Variants in ERFL observed in about 807,000 individuals in gnomAD.
ERFL encodes ETS repressor factor like.
A neutral mutation model predicts 27.9 loss-of-function variants in ERFL; 8 were observed. The ratio of observed to expected loss-of-function variants is 0.29; its 90% CI spans 0.17 to 0.52. The LOEUF (loss-of-function observed/expected upper bound fraction) is 0.52, where lower values mean the gene tolerates loss of function less well. ERFL is among the 20% of genes least tolerant of loss of function. ERFL has a pLI of 0.97. For missense variants in ERFL, 294 were observed against 444.4 expected, an observed-to-expected ratio of 0.66 and a Z score of 3.04; for synonymous variants, 174 against 202.8, an observed-to-expected ratio of 0.86 and a Z score of 1.21.
rs556162739 is a variant in ERFL, at chr19:41,909,246, C to T, written c.498+30G>A. 4.1e-6 allele frequency: 5 copies of T among 1,231,934 alleles called. No individual in the cohort carries two copies. The highest frequency in any genetic ancestry group is 4.2e-5 in the Admixed American group (1 of 23,730). The allele number at this position is 1,231,934 out of a possible 1,614,324, so 76.3% of individuals were successfully genotyped here. On this transcript the variant is annotated intron_variant, in intron 4 of 5. Coordinates refer to ENST00000597630, the MANE Select transcript of ERFL (RefSeq NM_001365103.2). This position sits in a 1 kb window ranked among gnomAD's most constrained non-coding sequence, Gnocchi z 5.2. ...TCCCCAGAGTGGGCACCAAGTGCCT[C>T]GGTTCCAGGACCCCAGTACCCAGAC...
rs2074807029 is a variant in ERFL, at chr19:41,917,265, T to A, written c.-13-4333A>T. Among the ~76,000 whole-genome samples the A allele has an allele frequency of 6.6e-6, 1 of 152,112 alleles. No individual in the cohort carries two copies. Among genetic ancestry groups the A allele is most frequent in the Non-Finnish European group, 1.5e-5 (1 of 68,012 alleles). ...TGTTTCCCCCATCTCTCTCTCTGGG[T>A]GCATCTCTCTGTCTCTCTCTGTCTC... On this transcript the variant is annotated intron_variant, in intron 1 of 5. Coordinates refer to ENST00000597630, the MANE Select transcript of ERFL (RefSeq NM_001365103.2). This position sits in a 1 kb window ranked among gnomAD's most constrained non-coding sequence, Gnocchi z 4.8.
rs1353217859 is a variant in ERFL at position 41,921,207 on chromosome 19, G to A, written c.-14+6833C>T. On this transcript the variant is annotated intron_variant, in intron 1 of 5. Coordinates refer to ENST00000597630, the MANE Select transcript of ERFL (RefSeq NM_001365103.2). The surrounding 1 kb of genome is among the most constrained non-coding windows in gnomAD (Gnocchi z 4.4). ...CTCCCCAACCTCACTCGTGGACCCC[G>A]CCTCCCCTCAGAGACCCAGAGAGAT... Among the ~76,000 whole-genome samples, 1 of 152,052 alleles carries A rather than the reference G, an allele frequency of 6.6e-6. No homozygotes were observed. The highest frequency in any genetic ancestry group is 2.4e-5 in the African/African-American group (1 of 41,396).
In ERFL at chr19:41,909,787, A is replaced by T; in HGVS notation, c.302+76T>A. The stretch of plus-strand genomic sequence containing the variant: ...GTGGGATCCAGCAGGAACCTGCCCC[A>T]GGATGCAGAGGGGGCACCAGAGGGA... On this transcript the variant is annotated intron_variant, in intron 3 of 5. Coordinates refer to ENST00000597630, the MANE Select transcript of ERFL (RefSeq NM_001365103.2). This position sits in a 1 kb window ranked among gnomAD's most constrained non-coding sequence, Gnocchi z 5.2. The T allele has an allele frequency of 7.0e-7, 1 of 1,435,248 alleles. No homozygotes were observed. Among genetic ancestry groups the T allele is most frequent in the Non-Finnish European group, 9.4e-7 (1 of 1,067,868 alleles). The allele number at this position is 1,435,248 out of a possible 1,614,324, so 88.9% of individuals were successfully genotyped here. A position where few individuals can be genotyped will look rare whatever the true frequency, so the allele number is the denominator to read the frequency against.
chr19:41,919,275 A>T lies in ERFL; in HGVS notation c.-13-6343T>A, dbSNP rs566949274. On this transcript the variant is annotated intron_variant, in intron 1 of 5. Transcript: ENST00000597630. The stretch of plus-strand genomic sequence containing the variant: ...ACACAGAAGCACACAGGGTGACACC[A>T]GAAACAGCTTCACACACAGACTTCG... 1.4e-3 allele frequency among the ~76,000 whole-genome samples: 211 copies of T among 152,288 alleles called. 1 individual carries two copies. The highest frequency in any genetic ancestry group is 6.8e-3 in the Middle Eastern group (2 of 294).
intron 1 of ERFL, among the ~76,000 whole-genome samples, chr19:41,920,451 T>C (rs147044175): frequency 7.0e-6 from 1 of 143,648 alleles, no homozygotes; most frequent in Non-Finnish European, 1.5e-5. Context: ...CTCACAGACA[T>C]GACACGCCCA....
intron 1 of ERFL, among the ~76,000 whole-genome samples, chr19:41,919,006 CACAT>C (rs1470323163): frequency 1.3e-5 from 2 of 151,064 alleles, no homozygotes; most frequent in Non-Finnish European, 3.0e-5. Flanking sequence ...CCACACACAT[CACAT>C]ACACACCATG....
At chr19:41,911,754 T>G (rs1433870325) in intron 2 of ERFL, among the ~76,000 whole-genome samples, 1 of 151,720 alleles carries the variant, frequency 6.6e-6, no homozygotes, top group Non-Finnish European at 1.5e-5. Flanking sequence ...GACCCCAAGG[T>G]GACAAGAGGA....
rs1555852017 is a variant in ERFL at position 41,917,014 on chromosome 19, G to A, written c.-13-4082C>T. Among the ~76,000 whole-genome samples the A allele has an allele frequency of 6.6e-6, 1 of 152,100 alleles. No homozygotes were observed. Among genetic ancestry groups the A allele is most frequent in the African/African-American group, 2.4e-5 (1 of 41,408 alleles). Reference sequence around the variant, plus strand: ...CCCAAGCATGTCTCTGCATGGGTGTGTGTGTGTGTGTGCACATATGTGACA... The same window carrying A: ...CCCAAGCATGTCTCTGCATGGGTGTATGTGTGTGTGTGCACATATGTGACA... On this transcript the variant is annotated intron_variant, in intron 1 of 5. Coordinates refer to ENST00000597630, the MANE Select transcript of ERFL (RefSeq NM_001365103.2). The surrounding 1 kb of genome is among the most constrained non-coding windows in gnomAD (Gnocchi z 4.8).
rs2074736105 is a variant in ERFL, at chr19:41,908,939, C to T, written c.616+121G>A. 4 of 578,082 alleles carry T rather than the reference C, an allele frequency of 6.9e-6. No individual in the cohort carries two copies. Among genetic ancestry groups the T allele is most frequent in the South Asian group, 9.4e-5 (1 of 10,608 alleles). 35.8% of individuals were successfully genotyped at this position (578,082 alleles called of 1,614,324 possible). On this transcript the variant is annotated intron_variant, in intron 5 of 5. Transcript: ENST00000597630. This position sits in a 1 kb window ranked among gnomAD's most constrained non-coding sequence, Gnocchi z 6.7. ...TTTTCTGGGTTTTACACACACACAC[C>T]CTACAACCTGGCCCTGGGCCCCCTT... is the stretch of plus-strand genomic sequence containing the variant.
intron 1 of ERFL, among the ~76,000 whole-genome samples, chr19:41,913,297 C>T (rs1276517030): frequency 2.6e-5 from 4 of 151,230 alleles, no homozygotes; most frequent in African/African-American, 7.3e-5. Flanking sequence ...CGCCCCGCAC[C>T]GTCTCTGCTG....
Position 41,908,670 on chromosome 19 carries a change from G to A in ERFL, c.623C>T (p.Thr208Ile). Residue 208 changes from threonine (T) to isoleucine (I), a missense_variant, in exon 6 of 6, where the codon ACC becomes ATC. Thr to Ile is a moderately conservative substitution (Grantham distance 89, BLOSUM62 -1). Coordinates refer to ENST00000597630, the MANE Select transcript of ERFL (RefSeq NM_001365103.2). The surrounding 1 kb of genome is among the most constrained non-coding windows in gnomAD (Gnocchi z 6.7). Reference protein sequence around the residue: ...SPFPFLGSGATSYSKPPGLLG... With the variant: ...SPFPFLGSGAISYSKPPGLLG... ...CAGGCCAGGGGGCTTGGAATAGCTG[G>A]TGGCACCTGGGGGGCACAGGGGTAG... 2 of 1,231,312 alleles carry A rather than the reference G, an allele frequency of 1.6e-6. No homozygotes were observed. The highest frequency in any genetic ancestry group is 3.2e-5 in the East Asian group (1 of 31,692). 76.3% of individuals were successfully genotyped at this position (1,231,312 alleles called of 1,614,324 possible). A position where few individuals can be genotyped will look rare whatever the true frequency, so the allele number is the denominator to read the frequency against.
At chr19:41,912,801 T>A in intron 2 of ERFL, 52 bp downstream of exon 2, 1 of 320,800 alleles carries the variant, frequency 3.1e-6, no homozygotes, top group Non-Finnish European at 3.6e-6. Context: ...TGCGGCTCAC[T>A]GGGGAAGCCT....
rs1403682813 is a variant in ERFL at position 41,907,941 on chromosome 19, C to T, written c.*287G>A. The T allele has an allele frequency of 1.9e-5, 4 of 210,818 alleles. No homozygotes were observed. The highest frequency in any genetic ancestry group is 1.1e-4 in the African/African-American group (1 of 8,798). The allele number at this position is 210,818 out of a possible 1,614,324, so 13.1% of individuals were successfully genotyped here. A position where few individuals can be genotyped will look rare whatever the true frequency, so the allele number is the denominator to read the frequency against. ...GGGGCATAGCACAGGGGTGGGCGGG[C>T]GGGGCAGGCTGGGCGCCATATTGCA... is the stretch of plus-strand genomic sequence containing the variant. On this transcript the variant is annotated 3_prime_UTR_variant, in exon 6 of 6. Transcript: ENST00000597630.
intron 1 of ERFL, among the ~76,000 whole-genome samples, chr19:41,926,599 G>A (rs2074871805): frequency 6.6e-6 from 1 of 152,262 alleles, no homozygotes; most frequent in African/African-American, 2.4e-5. Flanking sequence ...CCCTGGGTGG[G>A]GCACAGAGTT....
At chr19:41,925,548 T>C (rs2074866561) in intron 1 of ERFL, among the ~76,000 whole-genome samples, 1 of 152,002 alleles carries the variant, frequency 6.6e-6, no homozygotes, top group Admixed American at 6.5e-5. Context: ...CGGGAAACTC[T>C]GAGGGGACAA....
At chr19:41,924,700 G>C (rs2074861611) in intron 1 of ERFL, among the ~76,000 whole-genome samples, 1 of 152,138 alleles carries the variant, frequency 6.6e-6, no homozygotes, top group Non-Finnish European at 1.5e-5. Flanking sequence ...GCAGTGCGGG[G>C]AGCAGGTGTG....
intron 1 of ERFL, among the ~76,000 whole-genome samples, chr19:41,926,763 C>G (rs1326237664): frequency 6.6e-6 from 1 of 152,176 alleles, no homozygotes; most frequent in East Asian, 1.9e-4. Flanking sequence ...ATCCGCGCGC[C>G]GCTTGTCTCT....
At chr19:41,911,409 G>A (rs1174609786) in intron 2 of ERFL, among the ~76,000 whole-genome samples, 4 of 152,342 alleles carry the variant, frequency 2.6e-5, no homozygotes, top group Middle Eastern at 6.8e-3. Flanking sequence ...ACTGCTGTGC[G>A]CCAGGGCAGG....
chr19:41,924,627 A>C (rs868966361), intron 1 of ERFL, among the ~76,000 whole-genome samples: 13 of 152,132 alleles, frequency 8.5e-5, no homozygotes, highest in African/African-American at 2.7e-4. Flanking sequence ...TCAGAGAATG[A>C]TACCTGGACC....
Sources: allele counts gnomAD v4.1 joint callset (sites outside exome capture counted in the v4.1 genomes callset), GRCh38; gene constraint gnomAD v4.1.1; non-coding constraint Gnocchi (gnomAD v3.1); transcripts MANE v1.5; gene names NCBI Gene and HGNC (gene_info 2026-07-23, HGNC 2026-07-21).